Variants in IL19 observed in about 807,000 individuals in gnomAD.
IL19 encodes interleukin-19.
IL19 carries 15 observed loss-of-function variants against 19.5 expected under a neutral mutation model. The ratio of observed to expected loss-of-function variants is 0.77; its 90% CI spans 0.52 to 1.19. The LOEUF (loss-of-function observed/expected upper bound fraction) is 1.19. Ranked by LOEUF, IL19 falls within the 50% of genes most tolerant of loss-of-function variation. IL19 has a pLI of 0.00. For missense variants in IL19, 199 were observed against 213.1 expected (o/e 0.93, Z 0.41); for synonymous variants, 78 against 78.3 (o/e 1.00, Z 0.02).
chr1:206,770,945 C>T lies in IL19; in HGVS notation c.-282C>T. ...CTCAGCCTGAGGGTCTTCAGGTTCTCCCCCAGGGAGTTCACATGCGCCTTG... is the reference window on the plus strand; with the variant it reads ...CTCAGCCTGAGGGTCTTCAGGTTCTTCCCCAGGGAGTTCACATGCGCCTTG... On this transcript the variant is annotated 5_prime_UTR_variant, in exon 1 of 7. Transcript: ENST00000659997. The T allele has an allele frequency of 6.2e-7, 1 of 1,614,126 alleles. No homozygotes were observed. Among genetic ancestry groups the T allele is most frequent in the Middle Eastern group, 1.6e-4 (1 of 6,062 alleles).
intron 1 of IL19, among the ~76,000 whole-genome samples, chr1:206,784,845 G>A (rs12563100): frequency 1.3e-5 from 2 of 152,270 alleles, no homozygotes; most frequent in Non-Finnish European, 2.9e-5. Flanking sequence ...TCTGTGTTGC[G>A]TTGATGCCTG....
chr1:206,817,477 T>A (rs1416606569), intron 2 of IL19, among the ~76,000 whole-genome samples: 2 of 152,262 alleles, frequency 1.3e-5, no homozygotes, highest in Non-Finnish European at 2.9e-5. Flanking sequence ...AAGACACTTT[T>A]GTGCAGTAAC....
chr1:206,776,849 C>T (rs527424344), intron 1 of IL19, among the ~76,000 whole-genome samples: 2 of 137,846 alleles, frequency 1.5e-5, no homozygotes, highest in Admixed American at 8.2e-5. Context: ...TGGCTACCCT[C>T]TTTGGGTCCC....
chr1:206,787,150 C>T lies in IL19; in HGVS notation c.-148-11711C>T, dbSNP rs568968449. On this transcript the variant is annotated intron_variant, in intron 1 of 6. Transcript: ENST00000659997. ...AATATGCCCTGTGCTCTCCCACGTC[C>T]TTACTTCCACTCATGGCTTCACTGG... 1.2e-4 allele frequency among the ~76,000 whole-genome samples: 18 copies of T among 152,318 alleles called. No homozygotes were observed. In the South Asian group the frequency reaches 3.1e-3, roughly 26 times the overall value.
At chr1:206,796,346 C>T (rs775053492) in intron 1 of IL19, among the ~76,000 whole-genome samples, 1 of 152,198 alleles carries the variant, frequency 6.6e-6, no homozygotes, top group Non-Finnish European at 1.5e-5. Context: ...AGAAATCATG[C>T]TTAACCAGAC....
In IL19 at chr1:206,842,538, C is replaced by T. The variant is rs778276774; in HGVS notation, c.450C>T (p.His150=). Residue 150 remains histidine, a synonymous_variant, in exon 7 of 7, where the codon CAC becomes CAT. Coordinates refer to ENST00000659997, the MANE Select transcript of IL19 (RefSeq NM_153758.5). ...ATCTCTGATTTCAGCTGGAGGTCCACGCTGCTGCCATTAAATCCCTGGGAG... is the reference window on the plus strand; with the variant it reads ...ATCTCTGATTTCAGCTGGAGGTCCATGCTGCTGCCATTAAATCCCTGGGAG... ...IHDNYDQLEV[H]AAAIKSLGEL... is the part of the protein sequence containing the mutation. 9 of 1,564,444 alleles carry T rather than the reference C, an allele frequency of 5.8e-6. No homozygotes were observed. Among genetic ancestry groups the T allele is most frequent in the African/African-American group, 5.4e-5 (4 of 73,958 alleles).
chr1:206,797,169 A>C (rs1326615997), intron 1 of IL19, among the ~76,000 whole-genome samples: 2 of 152,196 alleles, frequency 1.3e-5, no homozygotes, highest in African/African-American at 4.8e-5. Flanking sequence ...GGTCAAGTTA[A>C]GTCACTTGTC....
chr1:206,804,037 C>T (rs990383840), intron 2 of IL19, among the ~76,000 whole-genome samples: 27 of 152,198 alleles, frequency 1.8e-4, no homozygotes, highest in African/African-American at 6.3e-4. Flanking sequence ...CTGTCTCTTC[C>T]CTTCCCTTTC....
At chr1:206,807,361 G>C (rs1413731126) in intron 2 of IL19, among the ~76,000 whole-genome samples, 1 of 152,162 alleles carries the variant, frequency 6.6e-6, no homozygotes, top group East Asian at 1.9e-4. Flanking sequence ...CACCTCTGCA[G>C]TTATTCCCAG....
intron 6 of IL19, among the ~76,000 whole-genome samples, chr1:206,842,104 G>A (rs187042249): frequency 6.6e-6 from 1 of 152,272 alleles, no homozygotes; most frequent in Non-Finnish European, 1.5e-5. Flanking sequence ...GCTCTAATAT[G>A]TCAAATGAGG....
At chr1:206,811,266 C>T (rs1012971579) in intron 2 of IL19, among the ~76,000 whole-genome samples, 1 of 151,588 alleles carries the variant, frequency 6.6e-6, no homozygotes, top group African/African-American at 2.4e-5. Flanking sequence ...AGTTTGGTGA[C>T]CCCCACCTCT....
At chr1:206,773,802 G>T (rs751572946) in intron 1 of IL19, among the ~76,000 whole-genome samples, 13 of 152,168 alleles carry the variant, frequency 8.5e-5, no homozygotes, top group Non-Finnish European at 1.8e-4. Flanking sequence ...TTCCAGTTTA[G>T]ACTGTAACTG....
chr1:206,783,162 C>T (rs1327166564), intron 1 of IL19, among the ~76,000 whole-genome samples: 1 of 152,110 alleles, frequency 6.6e-6, no homozygotes, highest in Non-Finnish European at 1.5e-5. Context: ...TATTAAAGCT[C>T]AATCCCTGGT....
Position 206,788,138 on chromosome 1 carries a change from G to A in IL19, c.-148-10723G>A, listed in dbSNP as rs142428995. ...GGTGGCTTGAGCAATCTTATCTGTT[G>A]TGTGAGTGTGCTCACATGTGTGTGC... On this transcript the variant is annotated intron_variant, in intron 1 of 6. Coordinates refer to ENST00000659997, the MANE Select transcript of IL19 (RefSeq NM_153758.5). Among the ~76,000 whole-genome samples the A allele has an allele frequency of 3.3e-3, 500 of 152,256 alleles. 4 individuals carry two copies. The highest frequency in any genetic ancestry group is 0.011 in the African/African-American group (476 of 41,538).
At chr1:206,829,086 G>A (rs1252989105) in intron 2 of IL19, 1 of 149,890 alleles carries the variant, frequency 6.7e-6, no homozygotes, top group Non-Finnish European at 1.5e-5. Context: ...TGGCCTCAAG[G>A]GATCCTCCCA....
intron 2 of IL19, among the ~76,000 whole-genome samples, chr1:206,802,521 C>T (rs935862962): frequency 7.2e-5 from 11 of 152,198 alleles, no homozygotes; most frequent in African/African-American, 2.4e-4. Context: ...CCCAAGATCA[C>T]GAAGCCAATA....
intron 4 of IL19, 123 bp from the exon 5 acceptor site, chr1:206,839,727 C>A: frequency 1.2e-6 from 1 of 821,666 alleles, no homozygotes; most frequent in Admixed American, 2.3e-5. Context: ...GAGACCATTA[C>A]GAATTTTTCC....
chr1:206,832,292 CTCAT>C (rs1191860302), intron 2 of IL19, among the ~76,000 whole-genome samples: 1 of 152,234 alleles, frequency 6.6e-6, no homozygotes, highest in Non-Finnish European at 1.5e-5. Flanking sequence ...GGTCCTTTAG[CTCAT>C]TCAAATCCTC....
At chr1:206,810,614 C>T (rs1170673195) in intron 2 of IL19, among the ~76,000 whole-genome samples, 2 of 152,202 alleles carry the variant, frequency 1.3e-5, no homozygotes. Flanking sequence ...TGAGTTGAAT[C>T]TCTGATTTTA....
Sources: allele counts gnomAD v4.1 joint callset (sites outside exome capture counted in the v4.1 genomes callset), GRCh38; gene constraint gnomAD v4.1.1; transcripts MANE v1.5; gene names NCBI Gene and HGNC (gene_info 2026-07-23, HGNC 2026-07-21).